The following KCNIP1 variants were observed in gnomAD, a reference collection of about 807,000 sequenced individuals.
KCNIP1 encodes the protein A-type potassium channel modulatory protein KCNIP1.
In KCNIP1, 18 loss-of-function variants were observed where a neutral mutation model predicts 33.0. The ratio of observed to expected loss-of-function variants is 0.55; its 90% CI spans 0.38 to 0.81. The LOEUF (loss-of-function observed/expected upper bound fraction) is 0.81, where lower values mean the gene tolerates loss of function less well. KCNIP1 is among the 30% of genes least tolerant of loss of function. The probability of loss-of-function intolerance (pLI) is 0.00; values close to 1 mark genes in which losing one functional copy is unlikely to be tolerated. For missense variants in KCNIP1, 238 were observed against 271.6 expected (o/e 0.88, Z 0.87); for synonymous variants, 93 against 98.3 (o/e 0.95, Z 0.32).
intron 1 of KCNIP1, among the ~76,000 whole-genome samples, chr5:170,444,511 C>T (rs887010058): frequency 6.6e-6 from 1 of 152,144 alleles, no homozygotes; most frequent in Admixed American, 6.5e-5. Flanking sequence ...CTGTGACCCT[C>T]TGCCATGCAA....
At chr5:170,512,380 A>G (rs1754967284) in intron 1 of KCNIP1, among the ~76,000 whole-genome samples, 1 of 152,262 alleles carries the variant, frequency 6.6e-6, no homozygotes, top group Non-Finnish European at 1.5e-5. Flanking sequence ...CAAGTACCTT[A>G]CTGCTCATCT....
At chr5:170,523,561 G>A (rs1755450257) in intron 1 of KCNIP1, among the ~76,000 whole-genome samples, 1 of 152,078 alleles carries the variant, frequency 6.6e-6, no homozygotes, top group Non-Finnish European at 1.5e-5. Flanking sequence ...TAAAGCTAAG[G>A]GAGGCGGGGA....
intron 1 of KCNIP1, among the ~76,000 whole-genome samples, chr5:170,656,995 TC>T (rs199939752): frequency 0.08 from 9,734 of 121,226 alleles, 468 homozygotes; most frequent in South Asian, 0.096. Context: ...TTTCTTTCTT[TC>T]TTTTTTTTTT....
chr5:170,380,324 T>G (rs757427806), intron 1 of KCNIP1, among the ~76,000 whole-genome samples: 6 of 152,208 alleles, frequency 3.9e-5, no homozygotes, highest in Non-Finnish European at 7.3e-5. Flanking sequence ...TCTGCATCAC[T>G]GAGGGCGAGA....
chr5:170,589,758 G>T (rs796711209), intron 1 of KCNIP1, among the ~76,000 whole-genome samples: 1 of 137,310 alleles, frequency 7.3e-6, no homozygotes, highest in Non-Finnish European at 1.5e-5. Flanking sequence ...GTGTGGTGTG[G>T]TGTGGTGTGG....
chr5:170,514,532 G>A (rs551126422), intron 1 of KCNIP1, among the ~76,000 whole-genome samples: 131 of 152,036 alleles, frequency 8.6e-4, no homozygotes, highest in Non-Finnish European at 1.3e-3. Context: ...CCACTGCCCC[G>A]CCCTGCCTCA....
At chr5:170,359,256 T>A (rs368030831) in intron 1 of KCNIP1, among the ~76,000 whole-genome samples, 1 of 152,052 alleles carries the variant, frequency 6.6e-6, no homozygotes, top group East Asian at 1.9e-4. Flanking sequence ...GTGTGAGAAG[T>A]GTTCTTGGGT....
At chr5:170,503,090 C>T (rs947853305), upstream of KCNIP1, among the ~76,000 whole-genome samples, 13 of 152,106 alleles carry the variant, frequency 8.5e-5, no homozygotes, top group African/African-American at 3.1e-4. Context: ...AGGAAAGAAA[C>T]AGAAAAATGA....
chr5:170,387,397 T>C (rs750056133), intron 1 of KCNIP1, among the ~76,000 whole-genome samples: 1 of 152,186 alleles, frequency 6.6e-6, no homozygotes, highest in Non-Finnish European at 1.5e-5. Flanking sequence ...ATTCAGAGAT[T>C]CTTGACTCCC....
intron 1 of KCNIP1, among the ~76,000 whole-genome samples, chr5:170,373,800 A>G (rs2113313043): frequency 6.6e-6 from 1 of 152,352 alleles, no homozygotes; most frequent in South Asian, 2.1e-4. Context: ...GAAAATGAAA[A>G]AGGCAAATAA....
chr5:170,529,265 C>T (rs1325676345), intron 1 of KCNIP1, among the ~76,000 whole-genome samples: 2 of 152,164 alleles, frequency 1.3e-5, no homozygotes, highest in Non-Finnish European at 1.5e-5. Context: ...AGAGTAGTCA[C>T]CAGCAGCCCC....
intron 1 of KCNIP1, among the ~76,000 whole-genome samples, chr5:170,648,918 T>C (rs1244839743): frequency 6.6e-6 from 1 of 152,146 alleles, no homozygotes; most frequent in Non-Finnish European, 1.5e-5. Flanking sequence ...CTAAAACTAC[T>C]CTAAAAAATA....
At chr5:170,493,605 C>G (rs760388231) in intron 1 of KCNIP1, among the ~76,000 whole-genome samples, 6 of 152,164 alleles carry the variant, frequency 3.9e-5, no homozygotes, top group Non-Finnish European at 8.8e-5. Context: ...GGTCAGCTCA[C>G]CAGGGCACCC....
At chr5:170,400,087 T>G (rs960023174) in intron 1 of KCNIP1, among the ~76,000 whole-genome samples, 2 of 152,206 alleles carry the variant, frequency 1.3e-5, no homozygotes, top group Admixed American at 1.3e-4. Context: ...GGATTGGAAT[T>G]CAGGCCTGTC....
intron 1 of KCNIP1, among the ~76,000 whole-genome samples, chr5:170,662,418 C>T (rs1021850100): frequency 2.6e-5 from 4 of 152,154 alleles, no homozygotes; most frequent in African/African-American, 7.2e-5. Context: ...CCAAAGCATC[C>T]ATTTCTTCCA....
chr5:170,635,241 G>C (rs1260203991), intron 1 of KCNIP1, among the ~76,000 whole-genome samples: 1 of 152,244 alleles, frequency 6.6e-6, no homozygotes, highest in Admixed American at 6.5e-5. Context: ...TGTTGGCCAG[G>C]CTTGTCTCAA....
At chr5:170,469,475 C>T (rs1199982257) in intron 1 of KCNIP1, among the ~76,000 whole-genome samples, 1 of 152,236 alleles carries the variant, frequency 6.6e-6, no homozygotes, top group Non-Finnish European at 1.5e-5. Flanking sequence ...ACATCCCTCT[C>T]TCCCTTCCTC....
chr5:170,697,823 G>A (rs1338861357), intron 1 of KCNIP1, among the ~76,000 whole-genome samples: 1 of 152,152 alleles, frequency 6.6e-6, no homozygotes, highest in Non-Finnish European at 1.5e-5. Flanking sequence ...CCCCACAGCA[G>A]GTCTGGGTGT....
At chr5:170,611,056 G>A (rs1216206061) in intron 1 of KCNIP1, among the ~76,000 whole-genome samples, 1 of 152,216 alleles carries the variant, frequency 6.6e-6, no homozygotes, top group Non-Finnish European at 1.5e-5. Context: ...AAGTGCCAAA[G>A]CCAGGATTTG....
Sources: allele counts gnomAD v4.1 joint callset (sites outside exome capture counted in the v4.1 genomes callset), GRCh38; gene constraint gnomAD v4.1.1; transcripts MANE v1.5; gene names NCBI Gene and HGNC (gene_info 2026-07-23, HGNC 2026-07-21).